Variants in KLHL2 observed in about 807,000 individuals in gnomAD.
The protein encoded by KLHL2 is kelch like family member 2.
A neutral mutation model predicts 75.8 loss-of-function variants in KLHL2; 15 were observed. The ratio of observed to expected loss-of-function variants is 0.20; its 90% CI spans 0.13 to 0.30. The LOEUF (loss-of-function observed/expected upper bound fraction) is 0.30. Among genes scored for constraint, KLHL2 ranks in the 10% least tolerant of loss-of-function variants. KLHL2 has a pLI of 1.00. For missense variants in KLHL2, 381 were observed against 741.0 expected, an observed-to-expected ratio of 0.51 and a Z score of 5.64; for synonymous variants, 214 against 251.9, an observed-to-expected ratio of 0.85 and a Z score of 1.42.
At chr4:165,237,955 G>C (rs1739488814) in intron 3 of KLHL2, among the ~76,000 whole-genome samples, 2 of 152,014 alleles carry the variant, frequency 1.3e-5, no homozygotes, top group South Asian at 4.2e-4. Flanking sequence ...AGTCTCCTTG[G>C]CTTAGGGACC....
intron 13 of KLHL2, among the ~76,000 whole-genome samples, chr4:165,315,098 G>T (rs574861808): frequency 6.6e-6 from 1 of 152,200 alleles, no homozygotes; most frequent in East Asian, 1.9e-4. Context: ...TCGTTAGATG[G>T]TAAGACCCTC....
chr4:165,321,992 G>A (rs750365256), intron 14 of KLHL2, 40 bp from the exon 15 acceptor site: 15 of 1,599,478 alleles, frequency 9.4e-6, no homozygotes, highest in Non-Finnish European at 1.3e-5. Flanking sequence ...ACAGAGTGCT[G>A]CCTGTGACTT....
intron 5 of KLHL2, among the ~76,000 whole-genome samples, chr4:165,272,620 A>G (rs561421219): frequency 1.3e-5 from 2 of 152,050 alleles, no homozygotes; most frequent in Non-Finnish European, 2.9e-5. Context: ...GGAGAGAATG[A>G]ATAAAGTAGG....
At chr4:165,310,341 G>A (rs982192686) in intron 9 of KLHL2, among the ~76,000 whole-genome samples, 1 of 152,000 alleles carries the variant, frequency 6.6e-6, no homozygotes, top group Non-Finnish European at 1.5e-5. Context: ...AAGAAAGGAA[G>A]AAATAATAAT....
At chr4:165,280,206 C>T (rs1743557623) in intron 5 of KLHL2, among the ~76,000 whole-genome samples, 1 of 152,162 alleles carries the variant, frequency 6.6e-6, no homozygotes. Context: ...CTGGCATTGC[C>T]CACACTGTTG....
At chr4:165,217,716 T>G (rs1444326136) in intron 1 of KLHL2, among the ~76,000 whole-genome samples, 1 of 152,224 alleles carries the variant, frequency 6.6e-6, no homozygotes, top group African/African-American at 2.4e-5. Context: ...TCATGTTGAG[T>G]ACCTGTTTCA....
chr4:165,318,006 A>G, intron 14 of KLHL2, 37 bp downstream of exon 14: 1 of 1,594,202 alleles, frequency 6.3e-7, no homozygotes, highest in Non-Finnish European at 8.6e-7. Flanking sequence ...CCGTACAAAA[A>G]GATGACCTCA....
At chr4:165,252,157 A>G (rs58832505) in intron 4 of KLHL2, among the ~76,000 whole-genome samples, 1 of 152,206 alleles carries the variant, frequency 6.6e-6, no homozygotes, top group African/African-American at 2.4e-5. Context: ...CATCTTTGTA[A>G]TTTGAACTCG....
chr4:165,252,405 A>G (rs974110361), intron 4 of KLHL2, among the ~76,000 whole-genome samples: 2 of 151,954 alleles, frequency 1.3e-5, no homozygotes, highest in Non-Finnish European at 2.9e-5. Context: ...ACACCAGCCA[A>G]AGGTTTTATA....
At chr4:165,272,960 T>C (rs539721217) in intron 5 of KLHL2, among the ~76,000 whole-genome samples, 20 of 152,356 alleles carry the variant, frequency 1.3e-4, no homozygotes, top group Admixed American at 1.2e-3. Flanking sequence ...CATCTGAATC[T>C]AGCTTTAAAG....
rs1745193493 is a variant in KLHL2, at chr4:165,299,601, G to A, written c.866G>A (p.Arg289His). ...MKYHLLPTEQ[R>H]ILMKSVRTRL... is the part of the protein sequence containing the mutation. ...TACCATTTGCTGCCAACAGAGCAGC[G>A]TATATTAATGAAGAGTGTCCGGACC... Residue 289 changes from arginine to histidine, a missense_variant, in exon 8 of 15, where the codon CGT becomes CAT. Arg to His is a conservative substitution (Grantham distance 29). Transcript: ENST00000226725. 1.9e-6 allele frequency: 3 copies of A among 1,613,778 alleles called. No homozygotes were observed. The highest frequency in any genetic ancestry group is 2.5e-6 in the Non-Finnish European group (3 of 1,179,838).
intron 2 of KLHL2, among the ~76,000 whole-genome samples, chr4:165,223,203 A>G (rs1363089598): frequency 6.6e-6 from 1 of 152,362 alleles, no homozygotes; most frequent in East Asian, 1.9e-4. Flanking sequence ...TTCAACAAGT[A>G]TTGGTGAGCA....
At chr4:165,300,968 A>G (rs1482888280) in intron 8 of KLHL2, among the ~76,000 whole-genome samples, 20 of 152,094 alleles carry the variant, frequency 1.3e-4, no homozygotes. Flanking sequence ...TGTTTTGCCT[A>G]TTACTAACAA....
At chr4:165,230,425 G>A (rs1290147719) in intron 3 of KLHL2, among the ~76,000 whole-genome samples, 5 of 152,306 alleles carry the variant, frequency 3.3e-5, no homozygotes, top group Admixed American at 3.3e-4. Context: ...GATCATATGT[G>A]TGAATTTCTT....
In KLHL2 at chr4:165,303,940, A is replaced by T. The variant is rs578246022; in HGVS notation, c.922-1668A>T. Reference sequence around the variant, plus strand: ...GCCCAGGCTGAAGTGTAATGGTGCAATCTCGGCTCACTGCAACTTCCACCT... The same window carrying T: ...GCCCAGGCTGAAGTGTAATGGTGCATTCTCGGCTCACTGCAACTTCCACCT... On this transcript the variant is annotated intron_variant, in intron 8 of 14. Coordinates refer to ENST00000226725, the MANE Select transcript of KLHL2 (RefSeq NM_007246.4). Among the ~76,000 whole-genome samples the T allele has an allele frequency of 3.0e-4, 45 of 150,272 alleles. 1 individual carries two copies. The highest frequency in any genetic ancestry group is 8.1e-4 in the African/African-American group (33 of 40,720).
rs201048208 is a variant in KLHL2, at chr4:165,305,691, A to C, written c.1005A>C (p.Gln335His). 1 of 1,614,154 alleles carries C rather than the reference A, an allele frequency of 6.2e-7. No individual in the cohort carries two copies. The highest frequency in any genetic ancestry group is 2.2e-5 in the East Asian group (1 of 44,882). ...ACTTTAAAGAAGAAAGGTGGCACCA[A>C]GTAGCAGAGTTGCCTTCCAGGAGGT... ...CYDFKEERWH[Q>H]VAELPSRRCR... The change falls in exon 9 of 15, where the codon CAA becomes CAC. Residue 335 changes from glutamine to histidine, a missense_variant. Coordinates refer to ENST00000226725, the MANE Select transcript of KLHL2 (RefSeq NM_007246.4).
chr4:165,307,323 A>G lies in KLHL2; in HGVS notation c.1039+1598A>G, dbSNP rs1019330883. Among the ~76,000 whole-genome samples, 6 of 152,300 alleles carry G rather than the reference A, an allele frequency of 3.9e-5. 1 individual carries two copies. Among genetic ancestry groups the G allele is most frequent in the Admixed American group, 1.3e-4 (2 of 15,298 alleles). On this transcript the variant is annotated intron_variant, in intron 9 of 14. Transcript: ENST00000226725. ...ACTCCGTCTCAAAAAACAAACAAAC[A>G]AACAAAAAAACAAAAAAACTTTATG...
chr4:165,256,819 A>G (rs956305996), intron 4 of KLHL2, among the ~76,000 whole-genome samples: 10 of 152,230 alleles, frequency 6.6e-5, no homozygotes, highest in African/African-American at 2.4e-4. Context: ...CAATTGTGGT[A>G]TAGCCCTCTA....
rs78650736 is a variant in KLHL2 at position 165,228,677 on chromosome 4, A to G, written c.153-130A>G. On this transcript the variant is annotated intron_variant, in intron 2 of 14. Transcript: ENST00000226725. The stretch of plus-strand genomic sequence containing the variant: ...ACTTCATGTTTAGGGATCATGTCCC[A>G]AAGGATGGCTGTCTTTTACGTTAGT... 263 of 598,822 alleles carry G rather than the reference A, an allele frequency of 4.4e-4. No individual in the cohort carries two copies. The East Asian group carries it at 7.3e-3, about 17-fold the overall frequency. 37.1% of individuals were successfully genotyped at this position (598,822 alleles called of 1,614,324 possible).
Sources: allele counts gnomAD v4.1 joint callset (sites outside exome capture counted in the v4.1 genomes callset), GRCh38; gene constraint gnomAD v4.1.1; transcripts MANE v1.5; gene names NCBI Gene and HGNC (gene_info 2026-07-23, HGNC 2026-07-21).